The following GLDN variants were observed in gnomAD, a reference collection of about 807,000 sequenced individuals.
GLDN encodes the protein collomin.
GLDN carries 47 observed loss-of-function variants against 56.5 expected under a neutral mutation model. That is an observed-to-expected ratio of 0.83 (90% CI 0.66 to 1.06). The LOEUF (loss-of-function observed/expected upper bound fraction) is 1.06, where lower values mean the gene tolerates loss of function less well. GLDN is among the 50% of genes least tolerant of loss of function. The probability of loss-of-function intolerance (pLI) is 0.00; values close to 1 mark genes in which losing one functional copy is unlikely to be tolerated. For missense variants in GLDN, 782 were observed against 714.3 expected, an observed-to-expected ratio of 1.09 and a Z score of -1.08; for synonymous variants, 332 against 278.8, an observed-to-expected ratio of 1.19 and a Z score of -1.90.
At chr15:51,398,530 C>G (rs1265774543) in intron 6 of GLDN, among the ~76,000 whole-genome samples, 1 of 152,214 alleles carries the variant, frequency 6.6e-6, no homozygotes, top group Non-Finnish European at 1.5e-5. Flanking sequence ...AATTTCTCAG[C>G]CTTGCTGTGG....
At chr15:51,374,736 CTTTTTTT>C (rs71297688) in intron 1 of GLDN, among the ~76,000 whole-genome samples, 1 of 110,260 alleles carries the variant, frequency 9.1e-6, no homozygotes, top group Non-Finnish European at 1.9e-5. Context: ...CTTTCTTTTC[CTTTTTTT>C]TTTTTTTTTT....
intron 4 of GLDN, among the ~76,000 whole-genome samples, chr15:51,393,116 G>A (rs2038056219): frequency 6.6e-6 from 1 of 152,132 alleles, no homozygotes; most frequent in African/African-American, 2.4e-5. Flanking sequence ...CTAGTTTGTT[G>A]ACAAATTAAG....
chr15:51,403,488 T>C (rs79376170), intron 9 of GLDN, among the ~76,000 whole-genome samples: 2 of 152,360 alleles, frequency 1.3e-5, no homozygotes, highest in Non-Finnish European at 2.9e-5. Context: ...TTTAGCCTAA[T>C]GTTCCTGAAT....
Position 51,400,376 on chromosome 15 carries a change from C to G in GLDN, c.905C>G (p.Ser302Cys). 1 of 1,614,188 alleles carries G rather than the reference C, an allele frequency of 6.2e-7. No individual in the cohort carries two copies. Among genetic ancestry groups the G allele is most frequent in the Non-Finnish European group, 8.5e-7 (1 of 1,180,038 alleles). Residue 302 changes from serine (S) to cysteine (C), a missense_variant, in exon 8 of 10, where the codon TCC becomes TGC. Coordinates refer to ENST00000335449, the MANE Select transcript of GLDN (RefSeq NM_181789.4). ...ASEHHSPQAESMITSIGNPVQ... is the reference protein window; with the variant it reads ...ASEHHSPQAECMITSIGNPVQ... ...TTCTTTTCTCTTCTTTTGGCAGAAT[C>G]CATGATCACTTCCATTGGAAACCCA... is the stretch of plus-strand genomic sequence containing the variant.
intron 1 of GLDN, among the ~76,000 whole-genome samples, chr15:51,365,452 A>G (rs2037381868): frequency 6.6e-6 from 1 of 152,210 alleles, no homozygotes; most frequent in Non-Finnish European, 1.5e-5. Flanking sequence ...TGTTATGGTA[A>G]CAGCATTAGG....
Position 51,405,590 on chromosome 15 carries a change from A to C in GLDN, c.*836A>C, listed in dbSNP as rs977469380. The C allele has an allele frequency of 6.6e-6, 1 of 151,958 alleles. No individual in the cohort carries two copies. Among genetic ancestry groups the C allele is most frequent in the African/African-American group, 2.4e-5 (1 of 41,378 alleles). 9.4% of individuals were successfully genotyped at this position (151,958 alleles called of 1,614,324 possible). ...AATCATGATCTTCCAGGTTCCCCCC[A>C]GTTTCTGATCATGTTGATTTGTAGC... On this transcript the variant is annotated 3_prime_UTR_variant, in exon 10 of 10. Coordinates refer to ENST00000335449, the MANE Select transcript of GLDN (RefSeq NM_181789.4).
At position 51,355,744 on chromosome 15, in the gene GLDN, T is replaced by G. The variant is rs28886346; in HGVS notation, c.363+13697T>G. ...TTCACCGTGTTAGCCGGGATGGTCT[T>G]GATCTCCTGACTTTGTGATCTGCCC... On this transcript the variant is annotated intron_variant, in intron 1 of 9. Transcript: ENST00000335449. Among the ~76,000 whole-genome samples the G allele has an allele frequency of 3.7e-4, 55 of 147,860 alleles. 1 individual carries two copies. The highest frequency in any genetic ancestry group is 1.2e-3 in the East Asian group (6 of 4,808).
At chr15:51,347,071 A>G (rs1379054588) in intron 1 of GLDN, among the ~76,000 whole-genome samples, 1 of 152,214 alleles carries the variant, frequency 6.6e-6, no homozygotes, top group Non-Finnish European at 1.5e-5. Flanking sequence ...TCTCAAAAAA[A>G]ACAAAACAAG....
At chr15:51,377,278 GT>G in intron 1 of GLDN, 170 bp from the exon 2 acceptor site, 1 of 586,498 alleles carries the variant, frequency 1.7e-6, no homozygotes, top group Non-Finnish European at 3.0e-6. Context: ...ATGATTCGTT[GT>G]TGACTGCAGC....
At chr15:51,383,556 A>G (rs980205843) in intron 3 of GLDN, 103 bp downstream of exon 3, 4 of 1,364,042 alleles carry the variant, frequency 2.9e-6, no homozygotes, top group Admixed American at 3.4e-5. Flanking sequence ...GCCTGGAGGC[A>G]GTCCTGGCTG....
intron 1 of GLDN, among the ~76,000 whole-genome samples, chr15:51,349,192 T>C (rs1187884551): frequency 6.6e-6 from 1 of 152,254 alleles, no homozygotes; most frequent in African/African-American, 2.4e-5. Context: ...GCTACACTGA[T>C]ATGAATCTAG....
At chr15:51,355,662 C>T (rs1355675389) in intron 1 of GLDN, among the ~76,000 whole-genome samples, 30 of 150,736 alleles carry the variant, frequency 2.0e-4, no homozygotes, top group African/African-American at 4.9e-4. Flanking sequence ...TAGCTGGGAC[C>T]ACAGGCACGC....
intron 1 of GLDN, among the ~76,000 whole-genome samples, chr15:51,352,260 T>C (rs1285943609): frequency 6.6e-6 from 1 of 152,144 alleles, no homozygotes; most frequent in Non-Finnish European, 1.5e-5. Context: ...AGGTTATTAA[T>C]CATTTTTATG....
chr15:51,401,601 G>A lies in GLDN; in HGVS notation c.1036G>A (p.Val346Ile), dbSNP rs745950479. The A allele has an allele frequency of 1.6e-5, 26 of 1,613,318 alleles. No homozygotes were observed. The highest frequency in any genetic ancestry group is 2.1e-5 in the Non-Finnish European group (25 of 1,179,630). Residue 346 changes from valine (V) to isoleucine (I), a missense_variant, in exon 9 of 10, where the codon GTT becomes ATT. Transcript: ENST00000335449. Reference protein sequence around the residue: ...WVTEHFSGIMVKEFKDQPSLL... With the variant: ...WVTEHFSGIMIKEFKDQPSLL... The stretch of plus-strand genomic sequence containing the variant: ...TGGCTTCCCTCCTACAGGCATCATG[G>A]TTAAGGAATTCAAGGATCAGCCCTC...
At chr15:51,369,292 CA>C (rs1381183638) in intron 1 of GLDN, among the ~76,000 whole-genome samples, 2 of 152,206 alleles carry the variant, frequency 1.3e-5, no homozygotes, top group Non-Finnish European at 2.9e-5. Flanking sequence ...ATAATAACAG[CA>C]GTTTGCATAA....
At chr15:51,396,222 C>T (rs56035766) in intron 5 of GLDN, among the ~76,000 whole-genome samples, 300 of 152,306 alleles carry the variant, frequency 2.0e-3, no homozygotes, top group African/African-American at 6.8e-3. Context: ...GGGCCAGGGG[C>T]GCAGATGTTC....
chr15:51,386,972 G>A (rs1424603771), intron 4 of GLDN, among the ~76,000 whole-genome samples: 2 of 152,156 alleles, frequency 1.3e-5, no homozygotes, highest in East Asian at 3.9e-4. Context: ...GTGGGGCAGT[G>A]GCCTTGGAAA....
intron 1 of GLDN, among the ~76,000 whole-genome samples, chr15:51,371,876 G>A (rs185648655): frequency 4.9e-4 from 74 of 152,258 alleles, no homozygotes; most frequent in African/African-American, 1.7e-3. Flanking sequence ...GTAGAGACAA[G>A]GTTTCCCCAT....
At chr15:51,402,547 G>T (rs944131362) in intron 9 of GLDN, among the ~76,000 whole-genome samples, 10 of 152,178 alleles carry the variant, frequency 6.6e-5, no homozygotes, top group Non-Finnish European at 1.5e-4. Flanking sequence ...CAGCCTCTGA[G>T]TCCTTCTAGC....
Sources: gnomAD v4.1 joint callset for allele counts (sites outside exome capture counted in the v4.1 genomes callset) on GRCh38, gnomAD v4.1.1 for gene constraint, MANE v1.5 for transcripts, NCBI Gene and HGNC (gene_info 2026-07-23, HGNC 2026-07-21) for gene names.